The following CHRD variants were observed in gnomAD, a reference collection of about 807,000 sequenced individuals.
The protein encoded by CHRD is chordin.
A neutral mutation model predicts 113.7 loss-of-function variants in CHRD; 69 were observed. That is an observed-to-expected ratio of 0.61 (90% CI 0.50 to 0.74). CHRD has a LOEUF of 0.74. Among genes scored for constraint, CHRD ranks in the 30% least tolerant of loss-of-function variants. The pLI is 0.00. For missense variants in CHRD, 1,194 were observed against 1,295.8 expected (o/e 0.92, Z 1.21); for synonymous variants, 561 against 540.8 (o/e 1.04, Z -0.52).
At position 184,387,624 on chromosome 3, in the gene CHRD, C is replaced by T. The variant is rs963194727; in HGVS notation, c.2451+147C>T. The stretch of plus-strand genomic sequence containing the variant: ...GAAAAGGCCCTTGCGCTCTGAGAGT[C>T]GGCTTCCTGTGGGAAAATGAACAGG... On this transcript the variant is annotated intron_variant, in intron 19 of 22. Coordinates refer to ENST00000204604, the Ensembl canonical transcript of CHRD. The surrounding 1 kb of genome is among the most constrained non-coding windows in gnomAD (Gnocchi z 6.1). 50 of 805,318 alleles carry T rather than the reference C, an allele frequency of 6.2e-5. No individual in the cohort carries two copies. The highest frequency in any genetic ancestry group is 9.2e-5 in the Non-Finnish European group (48 of 523,704). The allele number at this position is 805,318 out of a possible 1,614,324, so 49.9% of individuals were successfully genotyped here.
chr3:184,386,570 G>T, exon 16 of CHRD: 1 of 1,564,288 alleles, frequency 6.4e-7, no homozygotes. Context: ...GGCGCTGGGG[G>T]CTCCGGATAC....
In CHRD at chr3:184,387,892, C is replaced by T. The variant is rs936711955; in HGVS notation, c.2452-39C>T. 1.2e-5 allele frequency: 18 copies of T among 1,553,142 alleles called. No homozygotes were observed. The Admixed American group carries it at 3.1e-4, about 27-fold the overall frequency. On this transcript the variant is annotated intron_variant, in intron 19 of 22. Coordinates refer to ENST00000204604, the Ensembl canonical transcript of CHRD. This position sits in a 1 kb window ranked among gnomAD's most constrained non-coding sequence, Gnocchi z 6.1. ...AGGGAGTGGGCAGGAGGCTTATGTG[C>T]CCCCTGCCTGACACTCCTTGCTCAA...
Position 184,387,052 on chromosome 3 carries a change from G to C in CHRD, c.2292G>C (p.Glu764Asp). The change falls in exon 18 of 23, where the codon GAG becomes GAC. Residue 764 changes from glutamate to aspartate, a missense_variant and splice_region_variant. Physicochemically the swap from Glu to Asp is conservative, Grantham distance 45 (BLOSUM62 2). Coordinates refer to ENST00000204604, the Ensembl canonical transcript of CHRD. This position sits in a 1 kb window ranked among gnomAD's most constrained non-coding sequence, Gnocchi z 6.1. The stretch of plus-strand genomic sequence containing the variant: ...TTCACCATTTCTTTGGCTCCACAGA[G>C]AAACAAGATGTCAGAGACTTGCCAG... 1 of 1,614,190 alleles carries C rather than the reference G, an allele frequency of 6.2e-7. No homozygotes were observed. The highest frequency in any genetic ancestry group is 1.1e-5 in the South Asian group (1 of 91,066).
chr3:184,389,808 T>C (rs1054608218), exon 23 of CHRD: 5 of 172,886 alleles, frequency 2.9e-5, no homozygotes, highest in African/African-American at 9.5e-5. Flanking sequence ...TTTGTATTTA[T>C]TAAAACATTT....
chr3:184,386,029 G>C lies in CHRD; in HGVS notation c.1819-17G>C, dbSNP rs377077256. On this transcript the variant is annotated splice_polypyrimidine_tract_variant and intron_variant, in intron 14 of 22. Transcript: ENST00000204604. ...CTAAAGTGCCTTATTCCTATCCATTGTCCTGTCTATGTGCAGGCCCAGGGT... is the reference window on the plus strand; with the variant it reads ...CTAAAGTGCCTTATTCCTATCCATTCTCCTGTCTATGTGCAGGCCCAGGGT... 5.9e-5 allele frequency: 95 copies of C among 1,613,966 alleles called. No individual in the cohort carries two copies. The African/African-American group carries it at 1.2e-3, about 20-fold the overall frequency.
rs558106617 is a variant in CHRD at position 184,384,864 on chromosome 3, T to A, written c.1598-154T>A. 3.3e-6 allele frequency: 4 copies of A among 1,205,644 alleles called. No homozygotes were observed. In the African/African-American group the frequency reaches 4.5e-5, roughly 14 times the overall value. 74.7% of individuals were successfully genotyped at this position (1,205,644 alleles called of 1,614,324 possible). ...GGCGGACTCTTCCTGTTGCTGAGGT[T>A]CAAGGGTCTAAAACTTGCTGCTCTC... is the stretch of plus-strand genomic sequence containing the variant. On this transcript the variant is annotated intron_variant, in intron 13 of 22. Coordinates refer to ENST00000204604, the Ensembl canonical transcript of CHRD. The surrounding 1 kb of genome is among the most constrained non-coding windows in gnomAD (Gnocchi z 4.4).
In CHRD at chr3:184,380,423, C is replaced by T; in HGVS notation, c.105C>T (p.Pro35=). Residue 35 remains proline (P), a synonymous_variant, in exon 1 of 23, where the codon CCC becomes CCT. Coordinates refer to ENST00000204604, the Ensembl canonical transcript of CHRD. The surrounding 1 kb of genome is among the most constrained non-coding windows in gnomAD (Gnocchi z 6.3). Reference sequence around the variant, plus strand: ...CCGGCCCAGAGCCCCCCGTGCTGCCCATCCGTTCTGAGAAGGAGCCGCTGC... The same window carrying T: ...CCGGCCCAGAGCCCCCCGTGCTGCCTATCCGTTCTGAGAAGGAGCCGCTGC... 1 of 1,327,988 alleles carries T rather than the reference C, an allele frequency of 7.5e-7. No individual in the cohort carries two copies. The highest frequency in any genetic ancestry group is 3.2e-5 in the Admixed American group (1 of 31,352). 82.3% of individuals were successfully genotyped at this position (1,327,988 alleles called of 1,614,324 possible).
chr3:184,380,067 G>C (rs1238324061), upstream of CHRD: 1 of 144,204 alleles, frequency 6.9e-6, no homozygotes, highest in East Asian at 2.1e-4. The surrounding 1 kb of genome is among the most constrained non-coding windows in gnomAD (Gnocchi z 6.3). Context: ...GTAGAGCCGC[G>C]TACGGCCCGG....
At position 184,387,192 on chromosome 3, in the gene CHRD, T is replaced by C. The variant is rs1716464414; in HGVS notation, c.2347+85T>C. ...GGAGGGGGACAAGAAGGGGAGAGTATATAGGGGGTGGCCTGAGGGGCACAG... is the reference window on the plus strand; with the variant it reads ...GGAGGGGGACAAGAAGGGGAGAGTACATAGGGGGTGGCCTGAGGGGCACAG... On this transcript the variant is annotated intron_variant, in intron 18 of 22. Transcript: ENST00000204604. This position sits in a 1 kb window ranked among gnomAD's most constrained non-coding sequence, Gnocchi z 6.1. The C allele has an allele frequency of 1.4e-6, 2 of 1,397,754 alleles. No homozygotes were observed. The highest frequency in any genetic ancestry group is 2.3e-5 in the East Asian group (1 of 43,690). The allele number at this position is 1,397,754 out of a possible 1,614,324, so 86.6% of individuals were successfully genotyped here.
chr3:184,381,762 A>T lies in CHRD; in HGVS notation c.558A>T (p.Arg186=), dbSNP rs1335702984. 3.1e-6 allele frequency: 5 copies of T among 1,613,054 alleles called. No individual in the cohort carries two copies. In the African/African-American group the frequency reaches 6.7e-5, roughly 22 times the overall value. ...GGCCGAGGTCGCAGGCGGTGGCACG[A>T]GCCCGAGTCTCGCTGCTGCGCTCTA... The change falls in exon 5 of 23, where the codon CGA becomes CGT. Residue 186 remains arginine (R), a synonymous_variant. Transcript: ENST00000204604. This position sits in a 1 kb window ranked among gnomAD's most constrained non-coding sequence, Gnocchi z 4.7.
chr3:184,382,633 G>A lies in CHRD; in HGVS notation c.842-1G>A. 1 of 1,612,788 alleles carries A rather than the reference G, an allele frequency of 6.2e-7. No individual in the cohort carries two copies. Among genetic ancestry groups the A allele is most frequent in the Non-Finnish European group, 8.5e-7 (1 of 1,179,218 alleles). ...GGCTCTCATCATCGTCCCTTCCCCAGAGACCTTCAGTGCCATCCTGACTCT... is the reference window on the plus strand; with the variant it reads ...GGCTCTCATCATCGTCCCTTCCCCAAAGACCTTCAGTGCCATCCTGACTCT... On this transcript the variant is annotated splice_acceptor_variant, in intron 7 of 22. Transcript: ENST00000204604. LOFTEE classifies it high-confidence loss of function.
intron 15 of CHRD, 128 bp from the exon 16 acceptor site, chr3:184,386,364 C>A: frequency 7.4e-7 from 1 of 1,357,010 alleles, no homozygotes; most frequent in African/African-American, 1.5e-5. Flanking sequence ...GATTGTGGAG[C>A]GAATGGCATC....
rs749250086 is a variant in CHRD, at chr3:184,387,019, T to C, written c.2291-32T>C. 1.6e-5 allele frequency: 26 copies of C among 1,613,826 alleles called. No homozygotes were observed. Among genetic ancestry groups the C allele is most frequent in the Non-Finnish European group, 2.1e-5 (25 of 1,179,846 alleles). ...TTGGGGAGGGAATGAGGGTGGTCACTCTCTGCTTTCACCATTTCTTTGGCT... is the reference window on the plus strand; with the variant it reads ...TTGGGGAGGGAATGAGGGTGGTCACCCTCTGCTTTCACCATTTCTTTGGCT... On this transcript the variant is annotated intron_variant, in intron 17 of 22. Transcript: ENST00000204604. This position sits in a 1 kb window ranked among gnomAD's most constrained non-coding sequence, Gnocchi z 6.1.
chr3:184,387,091 C>T lies in CHRD; in HGVS notation c.2331C>T (p.Ser777=), dbSNP rs1431177011. The T allele has an allele frequency of 1.2e-6, 2 of 1,613,872 alleles. No individual in the cohort carries two copies. The highest frequency in any genetic ancestry group is 3.3e-5 in the Admixed American group (2 of 59,988). Residue 777 remains serine (S), a synonymous_variant, in exon 18 of 23, where the codon AGC becomes AGT. Coordinates refer to ENST00000204604, the Ensembl canonical transcript of CHRD. This position sits in a 1 kb window ranked among gnomAD's most constrained non-coding sequence, Gnocchi z 6.1. The stretch of plus-strand genomic sequence containing the variant: ...GAGACTTGCCAGGGCTGCCAAGGAG[C>T]CGGGACCCAGGAGAGGGTGAGCTGG...
chr3:184,381,383 T>C lies in CHRD; in HGVS notation c.382+19T>C. The C allele has an allele frequency of 4.4e-6, 7 of 1,588,562 alleles. No individual in the cohort carries two copies. Among genetic ancestry groups the C allele is most frequent in the Non-Finnish European group, 6.0e-6 (7 of 1,167,804 alleles). ...CCCCAGGGTAAGTCTTGCTCCGCCC[T>C]GCGGGGAGGGAGGCAGGGCCACGAT... On this transcript the variant is annotated intron_variant, in intron 3 of 22. Coordinates refer to ENST00000204604, the Ensembl canonical transcript of CHRD. This position sits in a 1 kb window ranked among gnomAD's most constrained non-coding sequence, Gnocchi z 4.7.
exon 8 of CHRD, chr3:184,382,731 T>C (rs1715649120): frequency 6.2e-7 from 1 of 1,613,852 alleles, no homozygotes; most frequent in East Asian, 2.2e-5. Flanking sequence ...ACTCCTTGCA[T>C]TTTTTGCTGC....
chr3:184,389,447 C>G (rs1340902311), exon 23 of CHRD: 2 of 1,608,526 alleles, frequency 1.2e-6, no homozygotes, highest in Non-Finnish European at 1.7e-6. Context: ...GCCAAGTGAC[C>G]AAGAGGATGG....
At chr3:184,383,051 A>T (rs565532134) in exon 10 of CHRD, 1 of 1,612,206 alleles carries the variant, frequency 6.2e-7, no homozygotes, top group South Asian at 1.1e-5. Flanking sequence ...CCAACCTGAC[A>T]GTCCAGGAGA....
Position 184,384,428 on chromosome 3 carries a change from C to T in CHRD, c.1441-109C>T, listed in dbSNP as rs1715963892. 8.0e-7 allele frequency: 1 copy of T among 1,257,460 alleles called. No individual in the cohort carries two copies. The highest frequency in any genetic ancestry group is 1.5e-5 in the African/African-American group (1 of 65,570). The allele number at this position is 1,257,460 out of a possible 1,614,324, so 77.9% of individuals were successfully genotyped here. A position where few individuals can be genotyped will look rare whatever the true frequency, so the allele number is the denominator to read the frequency against. On this transcript the variant is annotated intron_variant, in intron 12 of 22. Transcript: ENST00000204604. The surrounding 1 kb of genome is among the most constrained non-coding windows in gnomAD (Gnocchi z 4.4). ...CCTGCCAGGTCCTTATCCTGTGTTT[C>T]TGGTGTGTGGAAGTGTGTGTGGGTG...
Sources: gnomAD v4.1 joint callset for allele counts on GRCh38, gnomAD v4.1.1 for gene constraint, Gnocchi (gnomAD v3.1) non-coding constraint, MANE v1.5 for transcripts, NCBI Gene and HGNC (gene_info 2026-07-23, HGNC 2026-07-21) for gene names.